The following CNKSR2 variants were observed in gnomAD, a reference collection of about 807,000 sequenced individuals.
The protein encoded by CNKSR2 is connector enhancer of kinase suppressor of Ras 2.
CNKSR2 carries 14 observed loss-of-function variants against 84.4 expected under a neutral mutation model. The observed-to-expected ratio is 0.17, with a 90% confidence interval of 0.11 to 0.26. The LOEUF is 0.26. Ranked by LOEUF, CNKSR2 falls within the 10% of genes least tolerant of loss-of-function variation. CNKSR2 has a pLI of 1.00. For synonymous variants in CNKSR2, 275 were observed against 277.9 expected (o/e 0.99, Z 0.10); for missense variants, 485 against 771.2 (o/e 0.63, Z 4.40).
intron 8 of CNKSR2, among the ~76,000 whole-genome samples, 163 bp downstream of exon 8, chrX:21,501,751 G>A (rs902618291): frequency 2.7e-5 from 3 of 110,508 alleles, no homozygotes; most frequent in Non-Finnish European, 3.8e-5. Context: ...TTGATGGAAC[G>A]TAAAGCATTT....
intron 2 of CNKSR2, chrX:21,429,773 C>CTGTA (rs1465826769): frequency 2.7e-5 from 3 of 110,883 alleles, no homozygotes; most frequent in Non-Finnish European, 5.6e-5. Context: ...TGGCATACAC[C>CTGTA]TGTAGTACCA....
At chrX:21,642,405 T>G (rs1046509046) in intron 20 of CNKSR2, 1 of 750,608 alleles carries the variant, frequency 1.3e-6, no homozygotes, top group Non-Finnish European at 1.6e-6. Flanking sequence ...GGCTGTGGGT[T>G]TCATTTTTGA....
chrX:21,493,719 T>C (rs758146698), intron 6 of CNKSR2: 2 of 111,488 alleles, frequency 1.8e-5, no homozygotes, highest in South Asian at 7.7e-4. Flanking sequence ...CCTTTCTTAT[T>C]CAGAAGATGA....
At chrX:21,584,141 A>G (rs1183944960) in intron 13 of CNKSR2, among the ~76,000 whole-genome samples, 3 of 112,240 alleles carry the variant, frequency 2.7e-5, no homozygotes, top group Non-Finnish European at 3.8e-5. Context: ...TGTTAAATGC[A>G]CTAAGACAAT....
chrX:21,436,631 T>C (rs911343647), intron 3 of CNKSR2, among the ~76,000 whole-genome samples: 16 of 111,954 alleles, frequency 1.4e-4, no homozygotes, highest in African/African-American at 4.9e-4. Flanking sequence ...ATTAGAGTTA[T>C]TGTGTTCTTC....
intron 9 of CNKSR2, among the ~76,000 whole-genome samples, chrX:21,518,027 A>G (rs181847192): frequency 7.4e-4 from 83 of 111,929 alleles, no homozygotes; most frequent in Non-Finnish European, 1.4e-3. Flanking sequence ...TTTTAATGTG[A>G]ATCTATTTTT....
chrX:21,517,382 T>C (rs1257041965), intron 9 of CNKSR2, among the ~76,000 whole-genome samples: 6 of 108,949 alleles, frequency 5.5e-5, no homozygotes, highest in Non-Finnish European at 5.7e-5. Context: ...CTCCATCTCT[T>C]AAAAAAAAAT....
In CNKSR2 at chrX:21,531,990, A is replaced by T; in HGVS notation, c.1226A>T (p.Asp409Val). Residue 409 changes from aspartate to valine, a missense_variant, in exon 11 of 22, where the codon GAT becomes GTT. Physicochemically the swap from Asp to Val is radical, Grantham distance 152. This residue lies in a region of CNKSR2 where 132 missense variants were observed against 166.7 expected (regional missense o/e 0.79). Transcript: ENST00000379510. ...YRKRFNIVEE[D>V]TVLYCYEYEK... ...AAGAGATTTAATATTGTCGAAGAAG[A>T]TACTGTCTTATATTGCTATGAATAT... 8.3e-7 allele frequency: 1 copy of T among 1,200,729 alleles called. No homozygotes were observed. The highest frequency in any genetic ancestry group is 1.1e-6 in the Non-Finnish European group (1 of 886,174).
intron 4 of CNKSR2, among the ~76,000 whole-genome samples, chrX:21,463,803 T>C (rs887700550): frequency 8.1e-5 from 9 of 111,093 alleles, no homozygotes; most frequent in African/African-American, 1.3e-4. Flanking sequence ...TATCCTGCTG[T>C]GGCTGAGCTG....
intron 11 of CNKSR2, chrX:21,532,322 T>C (rs2091893451): frequency 4.7e-6 from 1 of 212,378 alleles, no homozygotes; most frequent in Non-Finnish European, 8.4e-6. Context: ...AAAAATCTTT[T>C]TAGCATCACA....
At chrX:21,561,377 T>C in intron 11 of CNKSR2, 94 bp from the exon 12 acceptor site, 1 of 643,595 alleles carries the variant, frequency 1.6e-6, no homozygotes, top group East Asian at 3.3e-5. Context: ...TAAGAGTGAG[T>C]GTGTTTGGTA....
At chrX:21,519,435 C>T (rs1351529034) in intron 9 of CNKSR2, among the ~76,000 whole-genome samples, 1 of 110,746 alleles carries the variant, frequency 9.0e-6, no homozygotes, top group Non-Finnish European at 1.9e-5. Context: ...ACCTTTTCTT[C>T]ATAGTACCTA....
At chrX:21,410,618 C>A in intron 1 of CNKSR2, among the ~76,000 whole-genome samples, 1 of 111,465 alleles carries the variant, frequency 9.0e-6, no homozygotes, top group Non-Finnish European at 1.9e-5. Context: ...AACATTAAAT[C>A]CTTACTTGTG....
chrX:21,378,202 T>G (rs1431431149), intron 1 of CNKSR2, among the ~76,000 whole-genome samples: 1 of 111,755 alleles, frequency 8.9e-6, no homozygotes, highest in Non-Finnish European at 1.9e-5. Context: ...TGGAGATATC[T>G]TATAGACCTT....
At chrX:21,605,408 C>T (rs1372825575) in intron 18 of CNKSR2, among the ~76,000 whole-genome samples, 1 of 112,063 alleles carries the variant, frequency 8.9e-6, no homozygotes, top group Admixed American at 9.5e-5. Context: ...TTTTCAGAGT[C>T]TTCGTATTTT....
chrX:21,407,100 A>T (rs2147000321), intron 1 of CNKSR2, among the ~76,000 whole-genome samples: 1 of 111,535 alleles, frequency 9.0e-6, no homozygotes, highest in East Asian at 2.8e-4. Flanking sequence ...AGACTAGGTT[A>T]AGGCTTTTGG....
chrX:21,432,845 C>T (rs1424358630), intron 3 of CNKSR2, 31 bp downstream of exon 3: 1 of 1,179,613 alleles, frequency 8.5e-7, no homozygotes. Flanking sequence ...CATAAGTATC[C>T]TCTCCTCAGA....
Position 21,391,787 on chromosome X carries a change from T to C in CNKSR2, c.64+16826T>C, listed in dbSNP as rs988798689. Among the ~76,000 whole-genome samples, 6 of 112,472 alleles carry C rather than the reference T, an allele frequency of 5.3e-5. No homozygotes were observed. In the East Asian group the frequency reaches 1.7e-3, roughly 31 times the overall value. On this transcript the variant is annotated intron_variant, in intron 1 of 21. Coordinates refer to ENST00000379510, the MANE Select transcript of CNKSR2 (RefSeq NM_014927.5). ...AAATGGGTTTTTCTTTTGTACCAGA[T>C]AGTCAGACTGCAGATTTCTGAACTT...
intron 8 of CNKSR2, among the ~76,000 whole-genome samples, chrX:21,515,012 T>C (rs1023467185): frequency 1.8e-5 from 2 of 110,135 alleles, no homozygotes; most frequent in Non-Finnish European, 3.8e-5. Flanking sequence ...CCAGTTCCAT[T>C]ACTGTAGTTG....
Sources: allele counts gnomAD v4.1 joint callset (sites outside exome capture counted in the v4.1 genomes callset), GRCh38; gene constraint gnomAD v4.1.1; regional missense constraint gnomAD v4.1.1; transcripts MANE v1.5; gene names NCBI Gene and HGNC (gene_info 2026-07-23, HGNC 2026-07-21).